Variants in CNGB3 observed in about 807,000 individuals in gnomAD.
The protein encoded by CNGB3 is cyclic nucleotide gated channel subunit beta 3, also known as cyclic nucleotide-gated channel beta-3.
A neutral mutation model predicts 92.8 loss-of-function variants in CNGB3; 86 were observed. The ratio of observed to expected loss-of-function variants is 0.93; its 90% confidence interval spans 0.78 to 1.11. The LOEUF (loss-of-function observed/expected upper bound fraction) is 1.11, where lower values mean the gene tolerates loss of function less well. CNGB3 is among the 50% of genes least tolerant of loss of function. The pLI, the probability that CNGB3 is intolerant of heterozygous loss-of-function variation, is 0.00. For missense variants in CNGB3, 1,026 were observed against 956.8 expected (o/e 1.07, Z -0.95); for synonymous variants, 333 against 332.7 (o/e 1.00, Z -0.01).
At chr8:86,717,874 G>T (rs181462690) in intron 3 of CNGB3, among the ~76,000 whole-genome samples, 3 of 152,140 alleles carry the variant, frequency 2.0e-5, no homozygotes, top group Admixed American at 2.0e-4. Context: ...TTGAAACCAT[G>T]CAAACACACG....
intron 2 of CNGB3, among the ~76,000 whole-genome samples, chr8:86,736,288 A>G (rs1348209645): frequency 1.3e-5 from 2 of 152,208 alleles, no homozygotes; most frequent in African/African-American, 2.4e-5. Flanking sequence ...TATCTTAAAT[A>G]TAACTGTTAT....
intron 6 of CNGB3, among the ~76,000 whole-genome samples, chr8:86,666,011 G>C (rs935908195): frequency 2.6e-5 from 4 of 152,300 alleles, no homozygotes; most frequent in African/African-American, 9.6e-5. Context: ...ACTTCACTTG[G>C]TTCCTACTAC....
intron 2 of CNGB3, among the ~76,000 whole-genome samples, chr8:86,732,650 C>G (rs989261293): frequency 6.6e-6 from 1 of 152,202 alleles, no homozygotes; most frequent in African/African-American, 2.4e-5. Flanking sequence ...ATGTCTCTGT[C>G]TCTTGCCAAA....
chr8:86,594,408 G>A, intron 15 of CNGB3: 1 of 287,136 alleles, frequency 3.5e-6, no homozygotes, highest in Non-Finnish European at 6.8e-6. Context: ...AACCAGGCGT[G>A]CTTGCTCCTG....
At chr8:86,715,264 T>C (rs975886280) in intron 3 of CNGB3, among the ~76,000 whole-genome samples, 3 of 151,906 alleles carry the variant, frequency 2.0e-5, no homozygotes, top group Non-Finnish European at 2.9e-5. Flanking sequence ...CTGAAAAAAA[T>C]ACAACCAAAG....
At chr8:86,671,480 G>C (rs1250794644) in intron 3 of CNGB3, among the ~76,000 whole-genome samples, 1 of 152,144 alleles carries the variant, frequency 6.6e-6, no homozygotes, top group Non-Finnish European at 1.5e-5. Flanking sequence ...CAATAAGTAT[G>C]GTGGTTTTAT....
At chr8:86,693,898 C>T (rs887520256) in intron 3 of CNGB3, among the ~76,000 whole-genome samples, 16 of 146,014 alleles carry the variant, frequency 1.1e-4, no homozygotes, top group African/African-American at 4.0e-4. Context: ...CCCCACCCTT[C>T]CCCCCCTCTC....
intron 17 of CNGB3, among the ~76,000 whole-genome samples, chr8:86,578,196 A>C (rs1327672684): frequency 6.6e-6 from 1 of 152,142 alleles, no homozygotes; most frequent in African/African-American, 2.4e-5. Context: ...GGTGTGAGCC[A>C]CCGCACCCGG....
At chr8:86,640,727 T>A (rs1823165952) in intron 10 of CNGB3, among the ~76,000 whole-genome samples, 1 of 151,602 alleles carries the variant, frequency 6.6e-6, no homozygotes. Context: ...TTGACAATCA[T>A]GAATCAAAAC....
intron 3 of CNGB3, among the ~76,000 whole-genome samples, chr8:86,693,425 TA>T (rs879618198): frequency 0.16 from 21,970 of 140,640 alleles, 1,768 homozygotes; most frequent in African/African-American, 0.22. Flanking sequence ...TTTTTTTTAT[TA>T]TTATTATTAT....
At chr8:86,632,457 A>G (rs1822981517) in intron 11 of CNGB3, among the ~76,000 whole-genome samples, 1 of 152,154 alleles carries the variant, frequency 6.6e-6, no homozygotes, top group Non-Finnish European at 1.5e-5. Flanking sequence ...TAAATAAAAG[A>G]GATTTTAATG....
chr8:86,598,930 A>C (rs1822229284), intron 15 of CNGB3, among the ~76,000 whole-genome samples: 1 of 152,090 alleles, frequency 6.6e-6, no homozygotes, highest in Non-Finnish European at 1.5e-5. Context: ...ATGTGGACTT[A>C]TCTTTGTGGG....
At chr8:86,736,964 T>C (rs1201647603) in intron 2 of CNGB3, among the ~76,000 whole-genome samples, 1 of 152,218 alleles carries the variant, frequency 6.6e-6, no homozygotes, top group Non-Finnish European at 1.5e-5. Context: ...GGAAGTATTA[T>C]ATTGCATTCA....
Position 86,629,090 on chromosome 8 carries a change from A to G in CNGB3, c.1321-12T>C, listed in dbSNP as rs780950571. 37 of 1,613,894 alleles carry G rather than the reference A, an allele frequency of 2.3e-5. No homozygotes were observed. The highest frequency in any genetic ancestry group is 6.7e-5 in the Admixed American group (4 of 59,980). On this transcript the variant is annotated splice_polypyrimidine_tract_variant and intron_variant, in intron 11 of 17. Transcript: ENST00000320005. ...ATCACATCTCTCATCTAAAACCACAAATATGGTCACTCCACGCCCAGCAGA... is the reference window on the plus strand; with the variant it reads ...ATCACATCTCTCATCTAAAACCACAGATATGGTCACTCCACGCCCAGCAGA...
At chr8:86,715,355 G>A (rs543638118) in intron 3 of CNGB3, among the ~76,000 whole-genome samples, 9 of 152,202 alleles carry the variant, frequency 5.9e-5, no homozygotes, top group East Asian at 3.9e-4. Flanking sequence ...ACCTGAAGAC[G>A]GATCACATCA....
At chr8:86,727,147 C>T (rs564145285) in intron 2 of CNGB3, among the ~76,000 whole-genome samples, 1 of 152,228 alleles carries the variant, frequency 6.6e-6, no homozygotes. Flanking sequence ...TATGAGACTA[C>T]CCTCTTTTAT....
intron 8 of CNGB3, among the ~76,000 whole-genome samples, chr8:86,646,984 C>T (rs1823301980): frequency 6.6e-6 from 1 of 151,094 alleles, no homozygotes; most frequent in African/African-American, 2.4e-5. Flanking sequence ...CTTTCCCTTG[C>T]CATCTCAGGT....
intron 17 of CNGB3, 82 bp downstream of exon 17, chr8:86,578,607 G>T: frequency 7.7e-7 from 1 of 1,295,462 alleles, no homozygotes. Flanking sequence ...TGTCTGAAAT[G>T]GAATTAGAGT....
At chr8:86,721,399 C>T (rs315961) in intron 3 of CNGB3, among the ~76,000 whole-genome samples, 135,615 of 152,108 alleles carry the variant, frequency 0.89, 60,752 homozygotes, top group East Asian at 1. Flanking sequence ...ACAATGGACT[C>T]TGGGGACTAT....
Sources: allele counts gnomAD v4.1 joint callset (sites outside exome capture counted in the v4.1 genomes callset), GRCh38; gene constraint gnomAD v4.1.1; transcripts MANE v1.5; gene names NCBI Gene and HGNC (gene_info 2026-07-23, HGNC 2026-07-21).